The following ATXN1 variants were observed in gnomAD, a reference collection of about 807,000 sequenced individuals.
The protein encoded by ATXN1 is ataxin-1.
Under a neutral mutation model 56.4 loss-of-function variants are expected in ATXN1, and 8 were observed. That is an observed-to-expected ratio of 0.14 (90% confidence interval 0.08 to 0.26). ATXN1 has a LOEUF of 0.26. Ranked by LOEUF, ATXN1 falls within the 10% of genes least tolerant of loss-of-function variation. The probability of loss-of-function intolerance (pLI) is 1.00; values close to 1 mark genes in which losing one functional copy is unlikely to be tolerated. For synonymous variants in ATXN1, 514 were observed against 494.6 expected, an observed-to-expected ratio of 1.04 and a Z score of -0.52; for missense variants, 987 against 1,106.5, an observed-to-expected ratio of 0.89 and a Z score of 1.53.
intron 6 of ATXN1, among the ~76,000 whole-genome samples, chr6:16,447,411 A>T (rs1373115395): frequency 6.6e-6 from 1 of 152,042 alleles, no homozygotes; most frequent in African/African-American, 2.4e-5. Context: ...TTTAGTAGGG[A>T]TGGGGTTTCA....
intron 3 of ATXN1, among the ~76,000 whole-genome samples, chr6:16,649,400 C>T (rs1201165395): frequency 2.0e-5 from 3 of 152,184 alleles, no homozygotes; most frequent in Admixed American, 2.0e-4. Flanking sequence ...GAAAAAAATA[C>T]CAGATATTCA....
intron 3 of ATXN1, among the ~76,000 whole-genome samples, chr6:16,609,294 C>T (rs1763064208): frequency 6.6e-6 from 1 of 152,162 alleles, no homozygotes; most frequent in Non-Finnish European, 1.5e-5. Flanking sequence ...GAGAACCAAG[C>T]ATAAGTCCTC....
At chr6:16,515,367 C>A (rs980259771) in intron 5 of ATXN1, among the ~76,000 whole-genome samples, 11 of 152,024 alleles carry the variant, frequency 7.2e-5, no homozygotes, top group Non-Finnish European at 1.5e-5. Flanking sequence ...AGTTCAGGAC[C>A]CCTCCCCACA....
chr6:16,396,132 G>A (rs1758454248), intron 6 of ATXN1, among the ~76,000 whole-genome samples: 2 of 151,898 alleles, frequency 1.3e-5, no homozygotes, highest in Non-Finnish European at 1.5e-5. Flanking sequence ...TCCATTCATG[G>A]TATTGCCTCT....
intron 6 of ATXN1, among the ~76,000 whole-genome samples, chr6:16,440,648 A>AAAAAAAAAAAAAAAAGAAAGAAAG (rs748929817): frequency 1.7e-5 from 2 of 118,566 alleles, no homozygotes; most frequent in East Asian, 2.7e-4. Context: ...CTTAAAAAAA[A>AAAAAAAAAAAAAAAAGAAAGAAAG]AAAAGAAAAG....
chr6:16,544,318 G>A (rs553278237), intron 4 of ATXN1, among the ~76,000 whole-genome samples: 2 of 152,308 alleles, frequency 1.3e-5, no homozygotes, highest in Admixed American at 1.3e-4. Flanking sequence ...TGTGGCGCAG[G>A]ATCACACACA....
At chr6:16,502,688 T>C (rs1241040797) in intron 5 of ATXN1, among the ~76,000 whole-genome samples, 1 of 152,150 alleles carries the variant, frequency 6.6e-6, no homozygotes, top group Non-Finnish European at 1.5e-5. Context: ...ACCTGATGTC[T>C]CAGAAATAGA....
At chr6:16,635,761 T>C (rs1050073880) in intron 3 of ATXN1, among the ~76,000 whole-genome samples, 2 of 152,118 alleles carry the variant, frequency 1.3e-5, no homozygotes, top group Non-Finnish European at 2.9e-5. Flanking sequence ...GAAAATCCAC[T>C]GTAGCCAGAA....
intron 4 of ATXN1, among the ~76,000 whole-genome samples, chr6:16,555,350 T>C (rs1162756133): frequency 2.0e-5 from 3 of 152,184 alleles, no homozygotes; most frequent in Admixed American, 2.0e-4. Flanking sequence ...CTGTAGGCAT[T>C]ACTTGCAGAT....
chr6:16,493,213 T>C (rs1760704285), intron 5 of ATXN1, among the ~76,000 whole-genome samples: 1 of 152,296 alleles, frequency 6.6e-6, no homozygotes, highest in African/African-American at 2.4e-5. Flanking sequence ...CGAAATTCTT[T>C]ATTTGATGCT....
chr6:16,342,496 CAT>C (rs917401803), intron 6 of ATXN1, among the ~76,000 whole-genome samples: 8 of 152,282 alleles, frequency 5.3e-5, no homozygotes, highest in South Asian at 2.1e-4. Flanking sequence ...AGAATTACCA[CAT>C]GACTCAGCAA....
chr6:16,721,230 C>T (rs1010721543), intron 2 of ATXN1, among the ~76,000 whole-genome samples: 1 of 152,200 alleles, frequency 6.6e-6, no homozygotes, highest in Non-Finnish European at 1.5e-5. Context: ...GGAGCTACTA[C>T]GAACAAGGTT....
intron 2 of ATXN1, among the ~76,000 whole-genome samples, chr6:16,740,287 T>C (rs1405251208): frequency 6.6e-6 from 1 of 152,210 alleles, no homozygotes; most frequent in Non-Finnish European, 1.5e-5. Flanking sequence ...TACTTAATTA[T>C]TGGGGAAGTA....
chr6:16,337,446 C>A (rs987634784), intron 6 of ATXN1, among the ~76,000 whole-genome samples: 1 of 152,236 alleles, frequency 6.6e-6, no homozygotes, highest in Non-Finnish European at 1.5e-5. Context: ...ACATGGAAAA[C>A]GCGCTGCAGT....
At chr6:16,630,281 G>T (rs535385890) in intron 3 of ATXN1, among the ~76,000 whole-genome samples, 1 of 152,310 alleles carries the variant, frequency 6.6e-6, no homozygotes, top group African/African-American at 2.4e-5. Context: ...CCCTCAAGGG[G>T]AGTCCCTCCT....
intron 4 of ATXN1, among the ~76,000 whole-genome samples, chr6:16,528,194 G>A (rs549978131): frequency 1.3e-4 from 19 of 151,970 alleles, no homozygotes; most frequent in African/African-American, 4.3e-4. Flanking sequence ...CCAGCTACTC[G>A]GGAGGCTGAG....
chr6:16,498,453 T>G (rs765128136), intron 5 of ATXN1, among the ~76,000 whole-genome samples: 1 of 152,222 alleles, frequency 6.6e-6, no homozygotes, highest in Admixed American at 6.5e-5. Context: ...TGAACATTCA[T>G]GTACATGTTT....
At chr6:16,516,945 G>A (rs1761194041) in intron 5 of ATXN1, among the ~76,000 whole-genome samples, 2 of 152,158 alleles carry the variant, frequency 1.3e-5, no homozygotes, top group Non-Finnish European at 1.5e-5. Context: ...AAATTTAGTT[G>A]TGAGCCTCGC....
At chr6:16,496,386 A>G (rs1035305619) in intron 5 of ATXN1, among the ~76,000 whole-genome samples, 10 of 152,232 alleles carry the variant, frequency 6.6e-5, no homozygotes, top group African/African-American at 2.4e-4. Flanking sequence ...CCGGGTAAGT[A>G]ACAAGAAATA....
Sources: allele counts gnomAD v4.1 joint callset (sites outside exome capture counted in the v4.1 genomes callset), GRCh38; gene constraint gnomAD v4.1.1; transcripts MANE v1.5; gene names NCBI Gene and HGNC (gene_info 2026-07-23, HGNC 2026-07-21).